Variants in ADGRB3 observed in about 807,000 individuals in gnomAD.
ADGRB3 encodes the protein adhesion G protein-coupled receptor B3, also known as brain-specific angiogenesis inhibitor 3.
Under a neutral mutation model 193.4 loss-of-function variants are expected in ADGRB3, and 37 were observed. The ratio of observed to expected loss-of-function variants is 0.19; its 90% CI spans 0.15 to 0.25. ADGRB3 has a LOEUF of 0.25. ADGRB3 is among the 10% of genes least tolerant of loss of function. The probability of loss-of-function intolerance (pLI) is 1.00; values close to 1 mark genes in which losing one functional copy is unlikely to be tolerated. For synonymous variants in ADGRB3, 690 were observed against 644.2 expected (o/e 1.07, Z -1.08); for missense variants, 1,637 against 1,852.9 (o/e 0.88, Z 2.14).
At chr6:69,329,822 C>T (rs923934018) in intron 22 of ADGRB3, among the ~76,000 whole-genome samples, 2 of 152,170 alleles carry the variant, frequency 1.3e-5, no homozygotes, top group Non-Finnish European at 2.9e-5. Flanking sequence ...TTTCCCTCTG[C>T]TGTGAGAGAC....
intron 20 of ADGRB3, among the ~76,000 whole-genome samples, chr6:69,280,937 G>C (rs1248028228): frequency 6.6e-6 from 1 of 152,118 alleles, no homozygotes; most frequent in African/African-American, 2.4e-5. Context: ...ATCTCATTAG[G>C]ATCTGCTTTC....
At chr6:69,332,475 T>G in intron 23 of ADGRB3, 2 of 985,376 alleles carry the variant, frequency 2.0e-6, no homozygotes, top group Non-Finnish European at 2.4e-6. Flanking sequence ...GTCCTCTGTG[T>G]TGGGAATAAT....
intron 26 of ADGRB3, among the ~76,000 whole-genome samples, chr6:69,343,325 C>T (rs900557587): frequency 8.1e-5 from 11 of 136,596 alleles, no homozygotes; most frequent in African/African-American, 2.9e-4. Context: ...CCAGTGCTAT[C>T]CCTTCCCCCT....
chr6:68,793,744 G>A (rs1371257067), intron 3 of ADGRB3, among the ~76,000 whole-genome samples: 1 of 151,998 alleles, frequency 6.6e-6, no homozygotes, highest in Non-Finnish European at 1.5e-5. Flanking sequence ...GGCCAGATTG[G>A]TCTCAAACTC....
intron 3 of ADGRB3, among the ~76,000 whole-genome samples, chr6:68,908,246 C>G (rs139497742): frequency 1.3e-5 from 2 of 151,912 alleles, no homozygotes; most frequent in Non-Finnish European, 1.5e-5. Flanking sequence ...TCTAAGGTTT[C>G]TTTTTTTCTA....
At chr6:69,191,735 T>C (rs764654727) in intron 17 of ADGRB3, among the ~76,000 whole-genome samples, 31 of 152,090 alleles carry the variant, frequency 2.0e-4, no homozygotes, top group Non-Finnish European at 4.0e-4. Context: ...AAAATACAGC[T>C]GTAAATAAGC....
At chr6:68,717,040 C>T (rs563647975) in intron 3 of ADGRB3, among the ~76,000 whole-genome samples, 28 of 151,516 alleles carry the variant, frequency 1.8e-4, no homozygotes, top group Non-Finnish European at 3.1e-4. Context: ...ATGGGATATT[C>T]GGCAGTTTTC....
intron 3 of ADGRB3, among the ~76,000 whole-genome samples, chr6:68,814,904 G>A (rs1767598728): frequency 6.6e-6 from 1 of 152,134 alleles, no homozygotes; most frequent in Admixed American, 6.6e-5. Context: ...TATCTCAATA[G>A]ATGCAGAAAA....
At chr6:68,719,335 G>A (rs1425416802) in intron 3 of ADGRB3, among the ~76,000 whole-genome samples, 1 of 151,626 alleles carries the variant, frequency 6.6e-6, no homozygotes, top group African/African-American at 2.4e-5. Context: ...TATGACTAGT[G>A]TGACCGAATA....
At chr6:68,832,993 A>G (rs1176003943) in intron 3 of ADGRB3, among the ~76,000 whole-genome samples, 2 of 152,090 alleles carry the variant, frequency 1.3e-5, no homozygotes, top group Non-Finnish European at 1.5e-5. Flanking sequence ...TCTGTGTGCT[A>G]TTACCAGCAG....
At chr6:68,980,090 C>T (rs978697833) in intron 10 of ADGRB3, among the ~76,000 whole-genome samples, 1 of 151,544 alleles carries the variant, frequency 6.6e-6, no homozygotes, top group African/African-American at 2.4e-5. Flanking sequence ...AAAGATACTA[C>T]TCTAATGGAA....
At chr6:68,964,581 G>C (rs920237278) in intron 8 of ADGRB3, among the ~76,000 whole-genome samples, 28 of 152,256 alleles carry the variant, frequency 1.8e-4, no homozygotes, top group Admixed American at 3.9e-4. Flanking sequence ...GCATACCCCA[G>C]TATAAAATTC....
chr6:68,919,784 A>G (rs74432104), intron 3 of ADGRB3, among the ~76,000 whole-genome samples: 4,529 of 152,270 alleles, frequency 0.03, 208 homozygotes, highest in African/African-American at 0.1. Context: ...TCAAGAGAGC[A>G]GTTTCATTCA....
rs1469755156 is a variant in ADGRB3, at chr6:69,361,401, G to T, written c.4128G>T (p.Leu1376Phe). 1 of 1,613,002 alleles carries T rather than the reference G, an allele frequency of 6.2e-7. No individual in the cohort carries two copies. The highest frequency in any genetic ancestry group is 1.1e-5 in the South Asian group (1 of 91,064). ...HLAPQEHMQN[L>F]PFEPRTAVKN... ...CACCCCAGGAACATATGCAGAATTT[G>T]CCCTTTGAACCTCGCACAGCTGTGA... The change falls in exon 29 of 32, where the codon TTG becomes TTT. Residue 1376 changes from leucine (L) to phenylalanine (F), a missense_variant. By Grantham distance (22) the Leu-to-Phe change is conservative. Transcript: ENST00000370598.
chr6:69,172,660 A>AT (rs1775307426), intron 17 of ADGRB3, among the ~76,000 whole-genome samples: 1 of 147,360 alleles, frequency 6.8e-6, no homozygotes, highest in Non-Finnish European at 1.5e-5. Context: ...AAAAAAAAAA[A>AT]AAAAAAAAAA....
At position 68,978,609 on chromosome 6, in the gene ADGRB3, G is replaced by C. The variant is rs146502163; in HGVS notation, c.1734+3269G>C. Among the ~76,000 whole-genome samples the C allele has an allele frequency of 4.5e-3, 679 of 151,530 alleles. 52 individuals carry two copies. Among genetic ancestry groups the C allele is most frequent in the Admixed American group, 0.041 (625 of 15,170 alleles). On this transcript the variant is annotated intron_variant, in intron 10 of 31. Coordinates refer to ENST00000370598, the MANE Select transcript of ADGRB3 (RefSeq NM_001704.3). ...CATACTCAATTGGAAACAGAAATGA[G>C]ATCAACATTTCTGCATAGGCTTACT...
At chr6:68,840,424 T>G (rs146756266) in intron 3 of ADGRB3, among the ~76,000 whole-genome samples, 5,763 of 122,650 alleles carry the variant, frequency 0.047, 496 homozygotes, top group Non-Finnish European at 0.072. Flanking sequence ...AAGGTCTTTC[T>G]CTGTCACCTA....
rs569075502 is a variant in ADGRB3, at chr6:68,869,527, C to G, written c.758-61032C>G. ...TCAAGCATTTATGATGCAAATAATG[C>G]TGACAAATTTTAGCAAGCAACATTT... On this transcript the variant is annotated intron_variant, in intron 3 of 31. Transcript: ENST00000370598. Among the ~76,000 whole-genome samples, 337 of 152,112 alleles carry G rather than the reference C, an allele frequency of 2.2e-3. 3 individuals are homozygous for G. The highest frequency in any genetic ancestry group is 7.6e-3 in the African/African-American group (316 of 41,512).
chr6:68,725,422 G>A (rs1765655648), intron 3 of ADGRB3, among the ~76,000 whole-genome samples: 1 of 151,644 alleles, frequency 6.6e-6, no homozygotes, highest in African/African-American at 2.4e-5. Context: ...GGAGGCTAGT[G>A]CAGTAGTCCA....
Sources: allele counts gnomAD v4.1 joint callset (sites outside exome capture counted in the v4.1 genomes callset), GRCh38; gene constraint gnomAD v4.1.1; transcripts MANE v1.5; gene names NCBI Gene and HGNC (gene_info 2026-07-23, HGNC 2026-07-21).